The following RYR3 variants were observed in gnomAD, a reference collection of about 807,000 sequenced individuals.
RYR3 encodes the protein brain ryanodine receptor-calcium release channel.
A neutral mutation model predicts 584.3 loss-of-function variants in RYR3; 207 were observed. The observed-to-expected ratio is 0.35, with a 90% CI of 0.32 to 0.40. RYR3 has a LOEUF of 0.40. Ranked by LOEUF, RYR3 falls within the 10% of genes least tolerant of loss-of-function variation. The probability of loss-of-function intolerance (pLI) is 1.00; values close to 1 mark genes in which losing one functional copy is unlikely to be tolerated. For synonymous variants in RYR3, 2,416 were observed against 2,248.5 expected, an observed-to-expected ratio of 1.07 and a Z score of -2.11; for missense variants, 5,616 against 6,089.2, an observed-to-expected ratio of 0.92 and a Z score of 2.59.
chr15:33,717,651 A>C (rs2067598889), intron 43 of RYR3, among the ~76,000 whole-genome samples: 1 of 152,144 alleles, frequency 6.6e-6, no homozygotes, highest in South Asian at 2.1e-4. Context: ...CTACATAATA[A>C]CTTCATAATC....
chr15:33,860,220 G>A (rs1339891058), intron 100 of RYR3, among the ~76,000 whole-genome samples: 2 of 152,202 alleles, frequency 1.3e-5, no homozygotes, highest in Admixed American at 6.5e-5. Context: ...GGGCTAAGAA[G>A]TGAAGTAACT....
At chr15:33,676,683 C>T (rs2064200871) in intron 38 of RYR3, among the ~76,000 whole-genome samples, 1 of 152,128 alleles carries the variant, frequency 6.6e-6, no homozygotes, top group African/African-American at 2.4e-5. Flanking sequence ...CCTTGACACC[C>T]TGCATGGCAA....
intron 73 of RYR3, among the ~76,000 whole-genome samples, 200 bp downstream of exon 73, chr15:33,813,194 T>C (rs1472260298): frequency 6.6e-6 from 1 of 152,210 alleles, no homozygotes; most frequent in Non-Finnish European, 1.5e-5. Context: ...CTGCCAGTGT[T>C]TTGTGCATTC....
intron 94 of RYR3, chr15:33,850,551 T>C (rs946312766): frequency 1.3e-5 from 2 of 150,274 alleles, no homozygotes; most frequent in East Asian, 1.9e-4. Flanking sequence ...TTTAAAATGT[T>C]AGATAGACCA....
chr15:33,631,497 C>G (rs946766919), intron 23 of RYR3, among the ~76,000 whole-genome samples: 4 of 152,138 alleles, frequency 2.6e-5, no homozygotes, highest in South Asian at 2.1e-4. Context: ...CTCTTTGCCC[C>G]TTCCACCTGG....
chr15:33,701,647 G>A (rs1294098348), intron 42 of RYR3, among the ~76,000 whole-genome samples: 1 of 152,058 alleles, frequency 6.6e-6, no homozygotes, highest in Non-Finnish European at 1.5e-5. Flanking sequence ...AACCTGGAGG[G>A]GGAGGGGGGT....
intron 60 of RYR3, among the ~76,000 whole-genome samples, chr15:33,768,403 A>G (rs2073282507): frequency 6.6e-6 from 1 of 152,238 alleles, no homozygotes; most frequent in Admixed American, 6.5e-5. Context: ...AAATACTATA[A>G]CTGTTTCAGA....
In RYR3 at chr15:33,736,968, C is replaced by G. The variant is rs966289260; in HGVS notation, c.7515+643C>G. 5.9e-5 allele frequency among the ~76,000 whole-genome samples: 9 copies of G among 152,246 alleles called. No homozygotes were observed. In the South Asian group the frequency reaches 1.9e-3, roughly 32 times the overall value. Reference sequence around the variant, plus strand: ...AGAGATGGGGTTTCACCATGTTGGCCAGGCTGGTCTCAAACTCCTGACCTC... The same window carrying G: ...AGAGATGGGGTTTCACCATGTTGGCGAGGCTGGTCTCAAACTCCTGACCTC... On this transcript the variant is annotated intron_variant, in intron 49 of 103. Coordinates refer to ENST00000634891, the MANE Select transcript of RYR3 (RefSeq NM_001036.6).
At chr15:33,579,887 G>A in intron 12 of RYR3, 89 bp from the exon 13 acceptor site, 1 of 976,678 alleles carries the variant, frequency 1.0e-6, no homozygotes, top group Non-Finnish European at 1.5e-6. Context: ...GTGCACCGTG[G>A]GGGGCTGTTA....
intron 8 of RYR3, among the ~76,000 whole-genome samples, chr15:33,547,105 G>A (rs142076564): frequency 6.6e-5 from 10 of 152,220 alleles, no homozygotes; most frequent in East Asian, 1.9e-4. Flanking sequence ...AACCTGCCCC[G>A]ATCACAGGTT....
chr15:33,758,178 C>A (rs780398216), intron 60 of RYR3, among the ~76,000 whole-genome samples: 1 of 152,212 alleles, frequency 6.6e-6, no homozygotes, highest in Non-Finnish European at 1.5e-5. Context: ...GTGCCTACCC[C>A]ACCAGGGCCC....
At chr15:33,461,716 G>A (rs2048055170) in intron 1 of RYR3, among the ~76,000 whole-genome samples, 1 of 152,214 alleles carries the variant, frequency 6.6e-6, no homozygotes, top group South Asian at 2.1e-4. Flanking sequence ...GCCTAGGGCA[G>A]AAAAGTTGTC....
chr15:33,635,541 C>T lies in RYR3; in HGVS notation c.3176-73C>T, dbSNP rs560751048. The T allele has an allele frequency of 8.6e-5, 97 of 1,132,338 alleles. 2 individuals are homozygous for T. In the Admixed American group the frequency reaches 1.9e-3, roughly 22 times the overall value. The allele number at this position is 1,132,338 out of a possible 1,614,324, so 70.1% of individuals were successfully genotyped here. ...TCTCATCAAATTCTTTTGAGTAGTG[C>T]TACCTAATTATTGAAGGTCTACGTT... On this transcript the variant is annotated intron_variant, in intron 25 of 103. Transcript: ENST00000634891.
chr15:33,686,427 A>G (rs2065014172), intron 38 of RYR3, among the ~76,000 whole-genome samples: 1 of 152,202 alleles, frequency 6.6e-6, no homozygotes. Context: ...AATTGAGGTA[A>G]TAATTAATAG....
intron 102 of RYR3, among the ~76,000 whole-genome samples, chr15:33,863,426 C>CCTCA (rs1230609539): frequency 2.6e-5 from 4 of 151,972 alleles, no homozygotes; most frequent in Non-Finnish European, 5.9e-5. Context: ...GACTCTCCAC[C>CCTCA]CTCAGAAGGA....
intron 43 of RYR3, among the ~76,000 whole-genome samples, chr15:33,713,886 G>C (rs898315552): frequency 6.6e-6 from 1 of 152,074 alleles, no homozygotes; most frequent in Non-Finnish European, 1.5e-5. Flanking sequence ...TGAGGGCTCT[G>C]CCCTTATGAC....
At chr15:33,841,738 T>A in intron 90 of RYR3, 126 bp from the exon 91 acceptor site, 2 of 914,406 alleles carry the variant, frequency 2.2e-6, no homozygotes, top group Non-Finnish European at 1.6e-6. Flanking sequence ...ACCTGAAGTT[T>A]CCACCTTCAA....
intron 66 of RYR3, 144 bp from the exon 67 acceptor site, chr15:33,788,074 C>A: frequency 9.9e-7 from 1 of 1,005,672 alleles, no homozygotes; most frequent in Non-Finnish European, 1.5e-6. Flanking sequence ...AGGGAAGTAT[C>A]AAGGGGAAGA....
chr15:33,485,578 G>A lies in RYR3; in HGVS notation c.171+12040G>A, dbSNP rs185471276. Among the ~76,000 whole-genome samples, 15 of 152,320 alleles carry A rather than the reference G, an allele frequency of 9.8e-5. No individual in the cohort carries two copies. In the South Asian group the frequency reaches 1.5e-3, roughly 15 times the overall value. On this transcript the variant is annotated intron_variant, in intron 2 of 103. Coordinates refer to ENST00000634891, the MANE Select transcript of RYR3 (RefSeq NM_001036.6). ...TGTTTCATTGAATAGGAAGGAAAAC[G>A]TCAAGGATGAGGGTGGATCTGTAGG...
Sources: allele counts gnomAD v4.1 joint callset (sites outside exome capture counted in the v4.1 genomes callset), GRCh38; gene constraint gnomAD v4.1.1; transcripts MANE v1.5; gene names NCBI Gene and HGNC (gene_info 2026-07-23, HGNC 2026-07-21).